The following PTPRD variants were observed in gnomAD, a reference collection of about 807,000 sequenced individuals.
The protein encoded by PTPRD is protein tyrosine phosphatase receptor type D, also known as receptor-type tyrosine-protein phosphatase delta.
In PTPRD, 34 loss-of-function variants were observed where a neutral mutation model predicts 214.5. The observed-to-expected ratio is 0.16, with a 90% CI of 0.12 to 0.21. The LOEUF (loss-of-function observed/expected upper bound fraction) is 0.21, where lower values mean the gene tolerates loss of function less well. Among genes scored for constraint, PTPRD ranks in the 10% least tolerant of loss-of-function variants. The pLI, the probability that PTPRD is intolerant of heterozygous loss-of-function variation, is 1.00. For synonymous variants in PTPRD, 1,128 were observed against 845.7 expected, an observed-to-expected ratio of 1.33 and a Z score of -5.79; for missense variants, 2,545 against 2,398.7, an observed-to-expected ratio of 1.06 and a Z score of -1.27.
chr9:8,692,331 C>T (rs2097825175), intron 12 of PTPRD, among the ~76,000 whole-genome samples: 1 of 152,112 alleles, frequency 6.6e-6, no homozygotes, highest in African/African-American at 2.4e-5. Context: ...GACTTAAAGA[C>T]TCAGTTTCTT....
At chr9:9,176,574 T>C (rs2099925007) in intron 10 of PTPRD, among the ~76,000 whole-genome samples, 1 of 152,178 alleles carries the variant, frequency 6.6e-6, no homozygotes, top group African/African-American at 2.4e-5. Context: ...GCTAATGTAA[T>C]GGTGTTGGGA....
At chr9:9,746,428 G>T (rs1416825638) in intron 6 of PTPRD, among the ~76,000 whole-genome samples, 1 of 152,148 alleles carries the variant, frequency 6.6e-6, no homozygotes, top group Non-Finnish European at 1.5e-5. Flanking sequence ...TGCAGATAGA[G>T]TAATTAGCAC....
intron 8 of PTPRD, among the ~76,000 whole-genome samples, chr9:9,574,501 GC>G (rs1443170977): frequency 1.3e-5 from 2 of 151,968 alleles, no homozygotes; most frequent in Admixed American, 1.3e-4. Context: ...TGCGGGACAT[GC>G]CTTAAAATTT....
At chr9:9,014,410 G>GGA (rs2099525657) in intron 11 of PTPRD, among the ~76,000 whole-genome samples, 2 of 151,870 alleles carry the variant, frequency 1.3e-5, no homozygotes, top group African/African-American at 4.8e-5. Context: ...TCACCTAATA[G>GGA]TACAGCTTTT....
intron 7 of PTPRD, among the ~76,000 whole-genome samples, chr9:9,725,920 T>C (rs930104362): frequency 2.0e-5 from 3 of 152,086 alleles, no homozygotes; most frequent in African/African-American, 7.2e-5. Context: ...GTACGCATTG[T>C]TTAGGGAAGC....
At chr9:9,026,251 C>A (rs937456734) in intron 10 of PTPRD, among the ~76,000 whole-genome samples, 1 of 151,878 alleles carries the variant, frequency 6.6e-6, no homozygotes, top group Non-Finnish European at 1.5e-5. Context: ...GCACAGGGAC[C>A]AGCTTTAGTG....
intron 10 of PTPRD, among the ~76,000 whole-genome samples, chr9:9,150,230 G>A (rs548117478): frequency 6.6e-6 from 1 of 152,006 alleles, no homozygotes; most frequent in Non-Finnish European, 1.5e-5. Context: ...GTGTTCCAGG[G>A]AGTATGTATG....
At chr9:10,234,317 C>A (rs2099622094) in intron 3 of PTPRD, among the ~76,000 whole-genome samples, 1 of 151,978 alleles carries the variant, frequency 6.6e-6, no homozygotes, top group African/African-American at 2.4e-5. Flanking sequence ...ATTAAGAAGA[C>A]TAACAGAGAT....
At chr9:10,118,405 T>G (rs1034484291) in intron 3 of PTPRD, among the ~76,000 whole-genome samples, 1 of 151,674 alleles carries the variant, frequency 6.6e-6, no homozygotes, top group African/African-American at 2.4e-5. Flanking sequence ...TCTAAGTGCA[T>G]AAAAGCACCT....
chr9:10,495,700 G>A (rs1305845378), intron 2 of PTPRD, among the ~76,000 whole-genome samples: 1 of 151,748 alleles, frequency 6.6e-6, no homozygotes. Flanking sequence ...CATAGAGACT[G>A]TATGAAACAT....
chr9:10,322,137 A>C (rs2096564227), intron 3 of PTPRD, among the ~76,000 whole-genome samples: 2 of 152,072 alleles, frequency 1.3e-5, no homozygotes, highest in Non-Finnish European at 2.9e-5. Context: ...AACCCCCATT[A>C]AATATTTGAT....
intron 3 of PTPRD, among the ~76,000 whole-genome samples, chr9:10,167,538 CTT>C (rs1246181490): frequency 6.6e-6 from 1 of 152,116 alleles, no homozygotes; most frequent in African/African-American, 2.4e-5. Flanking sequence ...ATGGAATACT[CTT>C]TTCTGAACTG....
intron 11 of PTPRD, among the ~76,000 whole-genome samples, chr9:8,859,019 C>A (rs769556750): frequency 6.6e-6 from 1 of 152,212 alleles, no homozygotes; most frequent in African/African-American, 2.4e-5. Flanking sequence ...TGGTCGCGCC[C>A]TATTGACAGC....
intron 44 of PTPRD, among the ~76,000 whole-genome samples, chr9:8,327,042 T>C (rs980107202): frequency 4.5e-4 from 63 of 140,520 alleles, no homozygotes; most frequent in Admixed American, 4.0e-3. Flanking sequence ...TTCAGTTCTG[T>C]AGTGTTCTTA....
intron 5 of PTPRD, among the ~76,000 whole-genome samples, chr9:9,852,115 T>G (rs1223172543): frequency 6.6e-6 from 1 of 152,076 alleles, no homozygotes; most frequent in African/African-American, 2.4e-5. Context: ...ATTAAAATGT[T>G]CTCGGAAAGA....
chr9:9,214,305 A>G (rs1025433117), intron 9 of PTPRD, among the ~76,000 whole-genome samples: 45 of 152,328 alleles, frequency 3.0e-4, no homozygotes, highest in South Asian at 8.3e-4. Context: ...AGAGCTGAAC[A>G]CTTGGCTTCT....
intron 10 of PTPRD, among the ~76,000 whole-genome samples, chr9:9,131,931 T>A (rs911005541): frequency 6.6e-6 from 1 of 152,042 alleles, no homozygotes. Context: ...TAAAGACAGA[T>A]GTACTATTTC....
At chr9:10,466,474 T>C (rs771730164) in intron 2 of PTPRD, among the ~76,000 whole-genome samples, 1 of 151,592 alleles carries the variant, frequency 6.6e-6, no homozygotes, top group African/African-American at 2.4e-5. Context: ...AAATACAAAA[T>C]TGACCAGGCG....
chr9:10,229,457 G>A (rs2154354871), intron 3 of PTPRD, among the ~76,000 whole-genome samples: 1 of 152,052 alleles, frequency 6.6e-6, no homozygotes, highest in Non-Finnish European at 1.5e-5. Context: ...CAACCCAAAT[G>A]TCCAACAGTG....
Sources: allele counts gnomAD v4.1 joint callset (sites outside exome capture counted in the v4.1 genomes callset), GRCh38; gene constraint gnomAD v4.1.1; transcripts MANE v1.5; gene names NCBI Gene and HGNC (gene_info 2026-07-23, HGNC 2026-07-21).